The following BRD1 variants were observed in gnomAD, a reference collection of about 807,000 sequenced individuals.
BRD1 encodes the protein bromodomain-containing protein 1.
A neutral mutation model predicts 107.7 loss-of-function variants in BRD1; 24 were observed. The ratio of observed to expected loss-of-function variants is 0.22; its 90% confidence interval spans 0.16 to 0.31. The LOEUF (loss-of-function observed/expected upper bound fraction) is 0.31. Among genes scored for constraint, BRD1 ranks in the 10% least tolerant of loss-of-function variants. BRD1 has a pLI of 1.00. For synonymous variants in BRD1, 744 were observed against 686.1 expected (o/e 1.08, Z -1.32); for missense variants, 1,279 against 1,638.6 (o/e 0.78, Z 3.79).
At chr22:49,776,973 G>A (rs1015855318) in intron 10 of BRD1, 61 bp downstream of exon 10, 52 of 1,602,044 alleles carry the variant, frequency 3.2e-5, no homozygotes, top group Non-Finnish European at 3.1e-5. Flanking sequence ...CCCAGCAGTC[G>A]AGCCCTAAGA....
Position 49,775,640 on chromosome 22 carries a change from A to T in BRD1, c.3337T>A (p.Ser1113Thr). 6.2e-7 allele frequency: 1 copy of T among 1,613,552 alleles called. No homozygotes were observed. Reference protein sequence around the residue: ...LKIGEHMQTKSDEKLFLVLFF... With the variant: ...LKIGEHMQTKTDEKLFLVLFF... ...AGAACGAGGAACAGCTTCTCATCAG[A>T]CTTGGTCTGCATGTGCTCCCCAATC... is the stretch of plus-strand genomic sequence containing the variant. The change falls in exon 12 of 13, where the codon TCT becomes ACT. Residue 1113 changes from serine (S) to threonine (T), a missense_variant. Transcript: ENST00000404760.
Position 49,798,064 on chromosome 22 carries a change from C to T in BRD1, c.1839G>A (p.Arg613=). ...TATACCCTTGAGCTTCTAACCGTTT[C>T]CTCATTGTGGCAAAGTCCATGGGAT... ...IKHPMDFATM[R]KRLEAQGYKN... Residue 613 remains arginine, a synonymous_variant, in exon 6 of 13, where the codon AGG becomes AGA. Transcript: ENST00000404760. 3 of 1,614,012 alleles carry T rather than the reference C, an allele frequency of 1.9e-6. No individual in the cohort carries two copies. The highest frequency in any genetic ancestry group is 2.5e-6 in the Non-Finnish European group (3 of 1,179,874).
rs575850518 is a variant in BRD1, at chr22:49,778,725, G to C, written c.2858-912C>G. ...CGCCCAGGCTGGAGTGCAGTGGCAC[G>C]ATCTTGGCTCACTGCAAGCTCCACC... On this transcript the variant is annotated intron_variant, in intron 8 of 12. Coordinates refer to ENST00000404760, the MANE Select transcript of BRD1 (RefSeq NM_001304808.3). Among the ~76,000 whole-genome samples the C allele has an allele frequency of 4.6e-5, 7 of 152,182 alleles. No individual in the cohort carries two copies. In the South Asian group the frequency reaches 1.5e-3, roughly 32 times the overall value.
In BRD1 at chr22:49,799,128, A is replaced by G. The variant is rs367891716; in HGVS notation, c.1525-9T>C. Reference sequence around the variant, plus strand: ...TCCTCATCATTTTCTCTCTGAGAACAGTGAACACTTCCGTCAGTCAAACCC... The same window carrying G: ...TCCTCATCATTTTCTCTCTGAGAACGGTGAACACTTCCGTCAGTCAAACCC... On this transcript the variant is annotated splice_polypyrimidine_tract_variant and intron_variant, in intron 3 of 12. Transcript: ENST00000404760. 6.2e-7 allele frequency: 1 copy of G among 1,603,702 alleles called. No homozygotes were observed. The highest frequency in any genetic ancestry group is 8.5e-7 in the Non-Finnish European group (1 of 1,178,656).
intron 5 of BRD1, 105 bp from the exon 6 acceptor site, chr22:49,798,222 C>T (rs1190677380): frequency 1.7e-6 from 2 of 1,184,182 alleles, no homozygotes; most frequent in Non-Finnish European, 2.4e-6. Flanking sequence ...TATCTGAGAG[C>T]CACACACAGA....
rs772793108 is a variant in BRD1, at chr22:49,783,756, G to C, written c.2857+3634C>G. Among the ~76,000 whole-genome samples, 4 of 152,166 alleles carry C rather than the reference G, an allele frequency of 2.6e-5. No homozygotes were observed. Among genetic ancestry groups the C allele is most frequent in the African/African-American group, 9.7e-5 (4 of 41,442 alleles). Reference sequence around the variant, plus strand: ...ACTTACAGAGGGGGTGGGCTGGGGTGGGGGAGAGCTCCTCCAGGGCTGCTG... The same window carrying C: ...ACTTACAGAGGGGGTGGGCTGGGGTCGGGGAGAGCTCCTCCAGGGCTGCTG... On this transcript the variant is annotated intron_variant, in intron 8 of 12. Coordinates refer to ENST00000404760, the MANE Select transcript of BRD1 (RefSeq NM_001304808.3). This position sits in a 1 kb window ranked among gnomAD's most constrained non-coding sequence, Gnocchi z 4.2.
rs925977074 is a variant in BRD1 at position 49,799,088 on chromosome 22, T to G, written c.1556A>C (p.Lys519Thr). 1.9e-6 allele frequency: 3 copies of G among 1,609,752 alleles called. No homozygotes were observed. Among genetic ancestry groups the G allele is most frequent in the Admixed American group, 1.7e-5 (1 of 60,002 alleles). The change falls in exon 4 of 13, where the codon AAA becomes ACA. Residue 519 changes from lysine (K) to threonine (T), a missense_variant. This residue lies in a region of BRD1 where 406 missense variants were observed against 519.4 expected (regional missense o/e 0.78). Coordinates refer to ENST00000404760, the MANE Select transcript of BRD1 (RefSeq NM_001304808.3). The stretch of plus-strand genomic sequence containing the variant: ...CCGCTGCCAGTACTTCAGCTTCTCT[T>G]TGGCAGCCTTCATCTCCTCATCATT... The part of the protein sequence containing the change: ...RENDEEMKAA[K>T]EKLKYWQRLR...
chr22:49,795,696 G>A (rs924068270), intron 6 of BRD1, among the ~76,000 whole-genome samples: 8 of 152,204 alleles, frequency 5.3e-5, no homozygotes, highest in African/African-American at 1.9e-4. Context: ...AGCCAGCAGC[G>A]GGCACCAGGT....
chr22:49,793,063 A>G (rs558148161), intron 7 of BRD1, among the ~76,000 whole-genome samples: 1 of 152,340 alleles, frequency 6.6e-6, no homozygotes, highest in African/African-American at 2.4e-5. Flanking sequence ...GTGCAGGGGA[A>G]GGGCAAGAAG....
At chr22:49,818,763 G>A (rs1418732319) in intron 2 of BRD1, among the ~76,000 whole-genome samples, 1 of 152,002 alleles carries the variant, frequency 6.6e-6, no homozygotes, top group African/African-American at 2.4e-5. Context: ...GTGGGCGCCT[G>A]TGGTCCCAGC....
At chr22:49,821,422 G>A (rs922565483) in intron 2 of BRD1, among the ~76,000 whole-genome samples, 3 of 152,204 alleles carry the variant, frequency 2.0e-5, no homozygotes, top group African/African-American at 4.8e-5. Flanking sequence ...TTCAAAGTCA[G>A]ATTAATTTAC....
chr22:49,797,832 G>A lies in BRD1; in HGVS notation c.2071C>T (p.Pro691Ser), dbSNP rs1272974646. Residue 691 changes from proline (P) to serine (S), a missense_variant, in exon 6 of 13, where the codon CCG becomes TCG. By Grantham distance (74) the Pro-to-Ser change is moderately conservative (BLOSUM62 -1). Transcript: ENST00000404760. ...TCTTCCCAGGAGAAAGGCCGCCGCG[G>A]TGCCGCAGCAGGCCGCTCAGGCAGG... ...MHLPERPAAA[P>S]RRPFSWEDVD... The A allele has an allele frequency of 6.2e-7, 1 of 1,606,480 alleles. No homozygotes were observed. Among genetic ancestry groups the A allele is most frequent in the African/African-American group, 1.3e-5 (1 of 74,948 alleles).
At chr22:49,813,607 C>A (rs1000843234) in intron 2 of BRD1, among the ~76,000 whole-genome samples, 3 of 151,530 alleles carry the variant, frequency 2.0e-5, no homozygotes, top group African/African-American at 7.3e-5. Flanking sequence ...CCGAGGTGGG[C>A]GATCACTTGA....
In BRD1 at chr22:49,816,726, C is replaced by T. The variant is rs578195755; in HGVS notation, c.1367+6225G>A. Among the ~76,000 whole-genome samples the T allele has an allele frequency of 3.9e-5, 6 of 152,348 alleles. No homozygotes were observed. In the South Asian group the frequency reaches 1.2e-3, roughly 32 times the overall value. On this transcript the variant is annotated intron_variant, in intron 2 of 12. Transcript: ENST00000404760. ...TCAGCCTGGACAACATAGTGAGACCCTGTCTCTATAAAATAGACTAGGGCC... is the reference window on the plus strand; with the variant it reads ...TCAGCCTGGACAACATAGTGAGACCTTGTCTCTATAAAATAGACTAGGGCC...
chr22:49,777,204 C>A (rs1451606416), intron 9 of BRD1, 43 bp from the exon 10 acceptor site: 1 of 1,603,804 alleles, frequency 6.2e-7, no homozygotes, highest in Admixed American at 1.7e-5. Context: ...CCCGCCCCTG[C>A]CTTCAGCCTC....
At chr22:49,785,947 G>C (rs1304674393) in intron 8 of BRD1, among the ~76,000 whole-genome samples, 11 of 152,188 alleles carry the variant, frequency 7.2e-5, no homozygotes, top group Admixed American at 7.2e-4. Context: ...ACAGGGACAA[G>C]ATGTGAGGGA....
At chr22:49,794,389 G>A (rs2059492246) in intron 6 of BRD1, 95 bp from the exon 7 acceptor site, 2 of 1,494,640 alleles carry the variant, frequency 1.3e-6, no homozygotes, top group South Asian at 2.6e-5. Context: ...TTCGGCCAAG[G>A]CCCTGAGAGT....
chr22:49,784,058 C>T (rs1569092017), intron 8 of BRD1, among the ~76,000 whole-genome samples: 1 of 152,188 alleles, frequency 6.6e-6, no homozygotes, highest in Non-Finnish European at 1.5e-5. Flanking sequence ...AGCCGAAGGA[C>T]ACTGAAGACA....
chr22:49,784,829 G>A (rs909218252), intron 8 of BRD1, among the ~76,000 whole-genome samples: 3 of 152,334 alleles, frequency 2.0e-5, no homozygotes, highest in South Asian at 2.1e-4. Context: ...TTCCCCGGGC[G>A]CCTCGGCCAC....
Sources: allele counts gnomAD v4.1 joint callset (sites outside exome capture counted in the v4.1 genomes callset), GRCh38; gene constraint gnomAD v4.1.1; regional missense constraint gnomAD v4.1.1; non-coding constraint Gnocchi (gnomAD v3.1); transcripts MANE v1.5; gene names NCBI Gene and HGNC (gene_info 2026-07-23, HGNC 2026-07-21).